ZFP90: variants seen among roughly 807,000 people sequenced by gnomAD.
ZFP90 encodes the protein zinc finger protein 90 homolog.
ZFP90 carries 38 observed loss-of-function variants against 60.8 expected under a neutral mutation model. The ratio of observed to expected loss-of-function variants is 0.62; its 90% confidence interval spans 0.48 to 0.82. The LOEUF (loss-of-function observed/expected upper bound fraction) is 0.82. Ranked by LOEUF, ZFP90 falls within the 40% of genes least tolerant of loss-of-function variation. ZFP90 has a pLI of 0.00. For synonymous variants in ZFP90, 287 were observed against 264.8 expected (o/e 1.08, Z -0.82); for missense variants, 711 against 759.1 (o/e 0.94, Z 0.74).
upstream of ZFP90, among the ~76,000 whole-genome samples, chr16:68,536,571 G>A (rs541143700): frequency 6.6e-6 from 1 of 152,134 alleles, no homozygotes; most frequent in South Asian, 2.1e-4. Flanking sequence ...CCCAAAGTGT[G>A]GGAATTATAG....
At chr16:68,553,736 A>G (rs1211273565) in intron 2 of ZFP90, among the ~76,000 whole-genome samples, 1 of 152,174 alleles carries the variant, frequency 6.6e-6, no homozygotes, top group Non-Finnish European at 1.5e-5. Flanking sequence ...CTCCTGCCTC[A>G]GCCCTCCAAG....
At chr16:68,552,985 A>G (rs536944969) in intron 2 of ZFP90, among the ~76,000 whole-genome samples, 2 of 152,266 alleles carry the variant, frequency 1.3e-5, no homozygotes, top group Non-Finnish European at 2.9e-5. Flanking sequence ...CCGGTAGGTC[A>G]AGGCTGCAGT....
At chr16:68,539,649 C>T (rs1308903655) in intron 1 of ZFP90, 109 bp from the exon 2 acceptor site, 1 of 892,884 alleles carries the variant, frequency 1.1e-6, no homozygotes, top group Non-Finnish European at 1.6e-6. Flanking sequence ...CCACGGTCCT[C>T]GCCACCATCT....
At chr16:68,556,919 G>A (rs975376149) in intron 2 of ZFP90, among the ~76,000 whole-genome samples, 1 of 152,146 alleles carries the variant, frequency 6.6e-6, no homozygotes, top group Non-Finnish European at 1.5e-5. Context: ...AAAGGGCTGG[G>A]AACAAGTTTG....
chr16:68,560,997 C>T (rs778353010), intron 4 of ZFP90, among the ~76,000 whole-genome samples: 3 of 152,044 alleles, frequency 2.0e-5, no homozygotes, highest in Non-Finnish European at 4.4e-5. Flanking sequence ...CGGGTTCAAG[C>T]AATGCTCCTG....
chr16:68,561,186 C>T (rs186649157), intron 4 of ZFP90, among the ~76,000 whole-genome samples: 3 of 152,342 alleles, frequency 2.0e-5, no homozygotes, highest in Admixed American at 6.5e-5. Context: ...TGAGCCACTG[C>T]GCCCAGCCTA....
upstream of ZFP90, among the ~76,000 whole-genome samples, chr16:68,536,639 C>T (rs2090962702): frequency 6.6e-6 from 1 of 152,122 alleles, no homozygotes; most frequent in Non-Finnish European, 1.5e-5. Context: ...CTTATATAGC[C>T]TGGGAAAAGA....
chr16:68,559,006 T>C (rs1310836070), intron 4 of ZFP90, among the ~76,000 whole-genome samples: 1 of 152,174 alleles, frequency 6.6e-6, no homozygotes, highest in African/African-American at 2.4e-5. Context: ...CTTGCCACCA[T>C]CTTCCTTCCA....
At chr16:68,558,657 G>A (rs896578492) in intron 4 of ZFP90, 89 bp downstream of exon 4, 9 of 1,130,622 alleles carry the variant, frequency 8.0e-6, no homozygotes, top group African/African-American at 1.5e-5. Flanking sequence ...GCTGGCTTGC[G>A]ATCTCCTAGA....
upstream of ZFP90, chr16:68,535,593 C>T (rs920663261): frequency 2.0e-5 from 3 of 152,148 alleles, no homozygotes; most frequent in African/African-American, 7.2e-5. Flanking sequence ...CTTTTCCCAA[C>T]ACTGCCATAA....
chr16:68,566,558 TCTC>T lies in ZFP90; in HGVS notation c.*1864_*1866del, dbSNP rs1365423842. The T allele has an allele frequency of 1.6e-5, 16 of 985,400 alleles. No homozygotes were observed. In the Admixed American group the frequency reaches 1.8e-4, roughly 11 times the overall value. 61.0% of individuals were successfully genotyped at this position (985,400 alleles called of 1,614,324 possible). A position where few individuals can be genotyped will look rare whatever the true frequency, so the allele number is the denominator to read the frequency against. On this transcript the variant is annotated 3_prime_UTR_variant, in exon 5 of 5. Coordinates refer to ENST00000563169, the MANE Select transcript of ZFP90 (RefSeq NM_001305203.2). ...TGTAATATGTGTAGCTCAATTAGTCTCTCCTCTGTGATGCAAAATGGAATATTC... is the reference window on the plus strand; with the variant it reads ...TGTAATATGTGTAGCTCAATTAGTCTCTCTGTGATGCAAAATGGAATATTC...
In ZFP90 at chr16:68,566,323, G is replaced by A. The variant is rs144937724; in HGVS notation, c.*1625G>A. 2.0e-6 allele frequency: 2 copies of A among 985,448 alleles called. No homozygotes were observed. The highest frequency in any genetic ancestry group is 1.7e-5 in the African/African-American group (1 of 57,288). The allele number at this position is 985,448 out of a possible 1,614,324, so 61.0% of individuals were successfully genotyped here. A position where few individuals can be genotyped will look rare whatever the true frequency, so the allele number is the denominator to read the frequency against. On this transcript the variant is annotated 3_prime_UTR_variant, in exon 5 of 5. Coordinates refer to ENST00000563169, the MANE Select transcript of ZFP90 (RefSeq NM_001305203.2). ...GGACATTGATTCCTTTTACACAAGA[G>A]CTGCCTCCCAAAGATAGATAAATTT...
rs375845352 is a variant in ZFP90, at chr16:68,543,185, C to T, written c.33+3360C>T. Among the ~76,000 whole-genome samples, 33 of 150,720 alleles carry T rather than the reference C, an allele frequency of 2.2e-4. No homozygotes were observed. The East Asian group carries it at 3.9e-3, about 18-fold the overall frequency. On this transcript the variant is annotated intron_variant, in intron 2 of 4. Coordinates refer to ENST00000563169, the MANE Select transcript of ZFP90 (RefSeq NM_001305203.2). The stretch of plus-strand genomic sequence containing the variant: ...GCTCTGGGCAGAGGGAACAGCCTAG[C>T]GGCAAGATGTATGTCTGGTGTATTC...
At chr16:68,536,146 C>G (rs146305670), upstream of ZFP90, among the ~76,000 whole-genome samples, 7 of 152,346 alleles carry the variant, frequency 4.6e-5, no homozygotes, top group African/African-American at 1.7e-4. Context: ...GCGTTGTTCT[C>G]TTTCCCTTTT....
At chr16:68,537,624 G>A (rs1346471169), upstream of ZFP90, among the ~76,000 whole-genome samples, 1 of 152,006 alleles carries the variant, frequency 6.6e-6, no homozygotes, top group African/African-American at 2.4e-5. Context: ...GGAGTGCTGT[G>A]GTGAAATCAC....
Position 68,565,013 on chromosome 16 carries a change from A to C in ZFP90, c.*315A>C, listed in dbSNP as rs576375490. The C allele has an allele frequency of 9.5e-7, 1 of 1,051,792 alleles. No homozygotes were observed. The allele number at this position is 1,051,792 out of a possible 1,614,324, so 65.2% of individuals were successfully genotyped here. The stretch of plus-strand genomic sequence containing the variant: ...TCAACATCTTGACTTGTGACCCCCA[A>C]TGTCAACAGCTTTTTTAAAAAGCAA... On this transcript the variant is annotated 3_prime_UTR_variant, in exon 5 of 5. Coordinates refer to ENST00000563169, the MANE Select transcript of ZFP90 (RefSeq NM_001305203.2).
intron 4 of ZFP90, among the ~76,000 whole-genome samples, chr16:68,560,120 T>C (rs2091414552): frequency 1.3e-5 from 2 of 151,096 alleles, no homozygotes; most frequent in Non-Finnish European, 3.0e-5. Context: ...AAATTGTAGC[T>C]TTATTGAGGT....
Position 68,539,752 on chromosome 16 carries a change from C to T in ZFP90, c.-35-6C>T, listed in dbSNP as rs560033003. The T allele has an allele frequency of 1.9e-6, 3 of 1,554,072 alleles. No individual in the cohort carries two copies. Among genetic ancestry groups the T allele is most frequent in the Non-Finnish European group, 2.6e-6 (3 of 1,149,822 alleles). Reference sequence around the variant, plus strand: ...GGGGTGAGTGGGCCCTGTCCTTTCTCCCCAGCTCCTGCCCCGGAGCCGGGC... The same window carrying T: ...GGGGTGAGTGGGCCCTGTCCTTTCTTCCCAGCTCCTGCCCCGGAGCCGGGC... On this transcript the variant is annotated splice_polypyrimidine_tract_variant and splice_region_variant and intron_variant, in intron 1 of 4. Transcript: ENST00000563169.
rs376585467 is a variant in ZFP90 at position 68,572,665 on chromosome 16, G to A, written c.224-3126G>A. The stretch of plus-strand genomic sequence containing the variant: ...GCCCCTACAGGGGTGGGGGACTTGG[G>A]CACCAAGAATGAGATATTGGGAGAT... On this transcript the variant is annotated intron_variant, in intron 2 of 2. Coordinates refer to the ZFP90 transcript ENST00000573113. 7.2e-5 allele frequency among the ~76,000 whole-genome samples: 11 copies of A among 152,312 alleles called. No individual in the cohort carries two copies. In the East Asian group the frequency reaches 2.1e-3, roughly 29 times the overall value.
Sources: gnomAD v4.1 joint callset for allele counts (sites outside exome capture counted in the v4.1 genomes callset) on GRCh38, gnomAD v4.1.1 for gene constraint, MANE v1.5 for transcripts, NCBI Gene and HGNC (gene_info 2026-07-23, HGNC 2026-07-21) for gene names.